CDH12: variants seen among roughly 807,000 people sequenced by gnomAD.
The protein encoded by CDH12 is cadherin 12.
CDH12 carries 41 observed loss-of-function variants against 74.1 expected under a neutral mutation model. The observed-to-expected ratio is 0.55, with a 90% CI of 0.43 to 0.72. CDH12 has a LOEUF of 0.72. CDH12 is among the 30% of genes least tolerant of loss of function. The pLI is 0.00. For synonymous variants in CDH12, 399 were observed against 355.0 expected (o/e 1.12, Z -1.39); for missense variants, 945 against 977.2 (o/e 0.97, Z 0.44).
At chr5:22,801,420 A>G (rs894634258) in intron 1 of CDH12, among the ~76,000 whole-genome samples, 1 of 152,006 alleles carries the variant, frequency 6.6e-6, no homozygotes, top group African/African-American at 2.4e-5. Context: ...TAAGGGCATC[A>G]ACTTTTAAAA....
intron 2 of CDH12, among the ~76,000 whole-genome samples, chr5:22,408,241 A>G (rs2126465471): frequency 8.8e-6 from 1 of 113,812 alleles, no homozygotes; most frequent in East Asian, 2.4e-4. Context: ...CTTAAAGTCA[A>G]GAAATCATAG....
intron 6 of CDH12, among the ~76,000 whole-genome samples, chr5:21,962,606 T>G (rs1234651801): frequency 6.6e-6 from 1 of 152,132 alleles, no homozygotes; most frequent in Admixed American, 6.6e-5. Flanking sequence ...TATTTTTGAC[T>G]AATACACCGT....
At chr5:21,948,681 A>G (rs1755688184) in intron 6 of CDH12, among the ~76,000 whole-genome samples, 1 of 152,068 alleles carries the variant, frequency 6.6e-6, no homozygotes, top group Non-Finnish European at 1.5e-5. Context: ...TTGGAAATGT[A>G]AAAAATATGT....
intron 6 of CDH12, among the ~76,000 whole-genome samples, chr5:21,925,378 C>A (rs941008651): frequency 3.3e-5 from 5 of 152,116 alleles, no homozygotes; most frequent in African/African-American, 1.2e-4. Flanking sequence ...TGAGATAAAC[C>A]TCTAATTATA....
At chr5:22,836,393 T>A (rs1362246372) in intron 1 of CDH12, among the ~76,000 whole-genome samples, 1 of 151,602 alleles carries the variant, frequency 6.6e-6, no homozygotes, top group Non-Finnish European at 1.5e-5. Flanking sequence ...TCGGCTAATT[T>A]TTTTTTCTTG....
At chr5:22,609,035 C>G (rs72746641) in intron 1 of CDH12, among the ~76,000 whole-genome samples, 1 of 152,024 alleles carries the variant, frequency 6.6e-6, no homozygotes, top group African/African-American at 2.4e-5. Context: ...CCTTCCAAAT[C>G]CTGAAGGAAC....
Position 22,020,262 on chromosome 5 carries a change from G to T in CDH12, c.232-44877C>A, listed in dbSNP as rs141508952. On this transcript the variant is annotated intron_variant, in intron 5 of 14. Coordinates refer to ENST00000382254, the MANE Select transcript of CDH12 (RefSeq NM_004061.5). ...TTCTCATAGTTTTGGAGGTTAAGAA[G>T]TCCAATTATGGCTGGGCGTGGTGGC... 4.6e-3 allele frequency among the ~76,000 whole-genome samples: 699 copies of T among 152,162 alleles called. 9 individuals are homozygous for T. Among genetic ancestry groups the T allele is most frequent in the African/African-American group, 0.016 (670 of 41,524 alleles).
chr5:22,348,229 G>A (rs896760585), intron 3 of CDH12, among the ~76,000 whole-genome samples: 12 of 152,278 alleles, frequency 7.9e-5, no homozygotes, highest in East Asian at 3.9e-4. Flanking sequence ...TGAGATAACC[G>A]TTAGAGCTTT....
At chr5:21,945,944 T>G (rs1253080007) in intron 6 of CDH12, among the ~76,000 whole-genome samples, 1 of 151,854 alleles carries the variant, frequency 6.6e-6, no homozygotes, top group African/African-American at 2.4e-5. Flanking sequence ...AGAGCAAATC[T>G]TAAATAGAAT....
At chr5:21,760,772 G>T (rs1170000252) in intron 12 of CDH12, 97 bp from the exon 13 acceptor site, 1 of 749,480 alleles carries the variant, frequency 1.3e-6, no homozygotes, top group Non-Finnish European at 2.4e-6. Context: ...CAAGTAGACA[G>T]AAATGGCACT....
chr5:22,114,038 G>A (rs1744956372), intron 4 of CDH12, among the ~76,000 whole-genome samples: 1 of 152,160 alleles, frequency 6.6e-6, no homozygotes, highest in African/African-American at 2.4e-5. Context: ...TTCCACAGAA[G>A]AGGTCTGCTT....
chr5:22,140,015 G>T (rs558413164), intron 4 of CDH12, among the ~76,000 whole-genome samples: 7 of 152,058 alleles, frequency 4.6e-5, no homozygotes, highest in African/African-American at 1.4e-4. Context: ...GCACCAAACG[G>T]CCTTTCAGAA....
At chr5:22,202,507 A>G (rs1319985642) in intron 4 of CDH12, among the ~76,000 whole-genome samples, 1 of 152,202 alleles carries the variant, frequency 6.6e-6, no homozygotes, top group East Asian at 1.9e-4. Flanking sequence ...TCTCTGAAAT[A>G]AAAAGCTCAG....
At position 22,556,853 on chromosome 5, in the gene CDH12, C is replaced by A. The variant is rs149504163; in HGVS notation, c.-522-51489G>T. ...CAACCCAGAAATGTCTATCTCAAGACATGGGAGCCATTCCTTTGACATATA... is the reference window on the plus strand; with the variant it reads ...CAACCCAGAAATGTCTATCTCAAGAAATGGGAGCCATTCCTTTGACATATA... On this transcript the variant is annotated intron_variant, in intron 1 of 14. Transcript: ENST00000382254. Among the ~76,000 whole-genome samples, 494 of 152,122 alleles carry A rather than the reference C, an allele frequency of 3.2e-3. 4 individuals carry two copies. The highest frequency in any genetic ancestry group is 0.011 in the African/African-American group (469 of 41,542).
intron 5 of CDH12, among the ~76,000 whole-genome samples, chr5:22,048,416 G>A (rs538400679): frequency 8.5e-4 from 130 of 152,198 alleles, no homozygotes; most frequent in South Asian, 8.1e-3. Context: ...AACAAATTCC[G>A]TCTTTTTTTG....
At chr5:22,145,314 G>T (rs547851792) in intron 4 of CDH12, among the ~76,000 whole-genome samples, 1 of 152,028 alleles carries the variant, frequency 6.6e-6, no homozygotes, top group East Asian at 1.9e-4. Context: ...GCAATGAGGG[G>T]GATCTAGGAT....
At chr5:22,038,689 C>A (rs909999463) in intron 5 of CDH12, among the ~76,000 whole-genome samples, 1 of 152,158 alleles carries the variant, frequency 6.6e-6, no homozygotes, top group Non-Finnish European at 1.5e-5. Flanking sequence ...TGGGCCTTGG[C>A]CATCCAGAGC....
intron 2 of CDH12, among the ~76,000 whole-genome samples, chr5:22,503,595 T>G (rs754162978): frequency 4.6e-5 from 7 of 152,154 alleles, no homozygotes; most frequent in Non-Finnish European, 8.8e-5. Context: ...TCTGCATCAA[T>G]ATGAATTCCA....
At chr5:22,631,028 A>G (rs1738557750) in intron 1 of CDH12, among the ~76,000 whole-genome samples, 2 of 152,188 alleles carry the variant, frequency 1.3e-5, no homozygotes, top group South Asian at 4.1e-4. Context: ...CATCGAGCAT[A>G]TGAAAAAATG....
Sources: allele counts gnomAD v4.1 joint callset (sites outside exome capture counted in the v4.1 genomes callset), GRCh38; gene constraint gnomAD v4.1.1; transcripts MANE v1.5; gene names NCBI Gene and HGNC (gene_info 2026-07-23, HGNC 2026-07-21).